Variants in EPC2 observed in about 807,000 individuals in gnomAD.
EPC2 encodes the protein enhancer of polycomb 2.
EPC2 carries 14 observed loss-of-function variants against 92.1 expected under a neutral mutation model. That is an observed-to-expected ratio of 0.15 (90% confidence interval 0.10 to 0.24). EPC2 has a LOEUF of 0.24. EPC2 is among the 10% of genes least tolerant of loss of function. The probability of loss-of-function intolerance (pLI) is 1.00; values close to 1 mark genes in which losing one functional copy is unlikely to be tolerated. For synonymous variants in EPC2, 340 were observed against 334.7 expected, an observed-to-expected ratio of 1.02 and a Z score of -0.17; for missense variants, 755 against 971.5, an observed-to-expected ratio of 0.78 and a Z score of 2.96.
At chr2:148,656,779 G>T (rs1434166528) in intron 1 of EPC2, among the ~76,000 whole-genome samples, 1 of 152,210 alleles carries the variant, frequency 6.6e-6, no homozygotes, top group South Asian at 2.1e-4. Flanking sequence ...GCAGCTTATT[G>T]CTTAGTAGGA....
At chr2:148,755,388 C>A (rs1211300938) in intron 4 of EPC2, among the ~76,000 whole-genome samples, 1 of 151,648 alleles carries the variant, frequency 6.6e-6, no homozygotes, top group Non-Finnish European at 1.5e-5. Context: ...TAAAAAAAAA[C>A]CCTGAACTAT....
At chr2:148,663,193 TGTATTATTATTA>T (rs1295014167) in intron 1 of EPC2, among the ~76,000 whole-genome samples, 5 of 98,644 alleles carry the variant, frequency 5.1e-5, no homozygotes, top group East Asian at 5.1e-4. Context: ...ACTGTGTTTT[TGTATTATTATTA>T]TTATTATTAT....
At chr2:148,700,789 A>G (rs1436062592) in intron 2 of EPC2, among the ~76,000 whole-genome samples, 3 of 148,956 alleles carry the variant, frequency 2.0e-5, no homozygotes, top group Admixed American at 6.8e-5. Flanking sequence ...TTGTCTTTCT[A>G]TATGAACTAG....
At chr2:148,784,178 C>T (rs948070838) in intron 12 of EPC2, among the ~76,000 whole-genome samples, 3 of 152,226 alleles carry the variant, frequency 2.0e-5, no homozygotes, top group Non-Finnish European at 4.4e-5. Context: ...CTCTGGCTCC[C>T]GCTCTTTAGA....
intron 1 of EPC2, among the ~76,000 whole-genome samples, chr2:148,658,481 C>T (rs1680852946): frequency 6.6e-6 from 1 of 152,000 alleles, no homozygotes; most frequent in South Asian, 2.1e-4. Flanking sequence ...GTGGGCAACT[C>T]AAATATTTCA....
intron 1 of EPC2, among the ~76,000 whole-genome samples, chr2:148,654,984 A>C (rs1298001413): frequency 6.6e-6 from 1 of 152,144 alleles, no homozygotes; most frequent in Admixed American, 6.5e-5. Context: ...AGAGAAGTGA[A>C]TAGAGACATT....
At chr2:148,764,004 A>G (rs1331726849) in intron 6 of EPC2, among the ~76,000 whole-genome samples, 2 of 152,186 alleles carry the variant, frequency 1.3e-5, no homozygotes, top group East Asian at 1.9e-4. Flanking sequence ...TCCATTACAC[A>G]TGGTTAATTA....
At chr2:148,730,508 G>A (rs960444687) in intron 2 of EPC2, among the ~76,000 whole-genome samples, 1 of 152,174 alleles carries the variant, frequency 6.6e-6, no homozygotes, top group Non-Finnish European at 1.5e-5. Context: ...TTGGGAACAC[G>A]TTAGAAATGC....
At chr2:148,729,622 A>G (rs577827054) in intron 2 of EPC2, among the ~76,000 whole-genome samples, 1 of 152,230 alleles carries the variant, frequency 6.6e-6, no homozygotes, top group East Asian at 1.9e-4. Context: ...CCAGTTTTCC[A>G]TTTGGTTATT....
chr2:148,769,854 T>C (rs764655370), intron 8 of EPC2, among the ~76,000 whole-genome samples: 1 of 152,164 alleles, frequency 6.6e-6, no homozygotes, highest in Non-Finnish European at 1.5e-5. Flanking sequence ...TTTATCTTGC[T>C]ATATAATGGT....
At chr2:148,667,433 A>G (rs1394126866) in intron 1 of EPC2, among the ~76,000 whole-genome samples, 2 of 152,230 alleles carry the variant, frequency 1.3e-5, no homozygotes, top group Non-Finnish European at 2.9e-5. Context: ...GTTTGTAACT[A>G]GTATATAGAA....
At chr2:148,739,819 CT>C (rs1220784728) in intron 2 of EPC2, among the ~76,000 whole-genome samples, 2 of 98,908 alleles carry the variant, frequency 2.0e-5, no homozygotes, top group South Asian at 8.9e-4. Context: ...TCTTCCTTTT[CT>C]TTTCTTCTTC....
At chr2:148,694,390 T>A (rs187710693) in intron 2 of EPC2, among the ~76,000 whole-genome samples, 110 of 152,280 alleles carry the variant, frequency 7.2e-4, no homozygotes, top group African/African-American at 2.5e-3. Context: ...TATGCAGAAT[T>A]TATTGAATCA....
At chr2:148,747,691 G>A (rs973457461) in intron 3 of EPC2, among the ~76,000 whole-genome samples, 3 of 152,062 alleles carry the variant, frequency 2.0e-5, no homozygotes, top group Non-Finnish European at 2.9e-5. Flanking sequence ...CCTACTTAAT[G>A]TCCCTGCAGT....
chr2:148,694,080 A>C (rs1436015367), intron 2 of EPC2, among the ~76,000 whole-genome samples: 1 of 152,242 alleles, frequency 6.6e-6, no homozygotes, highest in Non-Finnish European at 1.5e-5. Flanking sequence ...TGAAAGAATT[A>C]ATGAAATTAA....
At chr2:148,645,344 C>A (rs901382315) in intron 1 of EPC2, 174 bp downstream of exon 1, 2 of 569,930 alleles carry the variant, frequency 3.5e-6, no homozygotes, top group Non-Finnish European at 6.2e-6. Context: ...GCGTAGCGCC[C>A]GCCCGCGGCC....
At chr2:148,738,665 A>T (rs1269427107) in intron 2 of EPC2, among the ~76,000 whole-genome samples, 1 of 152,190 alleles carries the variant, frequency 6.6e-6, no homozygotes, top group South Asian at 2.1e-4. Flanking sequence ...TGAGTATAGA[A>T]AATAGAATGT....
Position 148,764,992 on chromosome 2 carries a change from A to T in EPC2, c.986A>T (p.Asp329Val). 6.2e-7 allele frequency: 1 copy of T among 1,601,286 alleles called. No homozygotes were observed. ...TTGTCTTTGAAAGAAGAGGCTTCTG[A>T]TGTGGTTCGTCAAAAGAAGAAGTAC... ...HHLSLKEEAS[D>V]VVRQKKKYPK... Residue 329 changes from aspartate to valine, a missense_variant, in exon 7 of 14, where the codon GAT becomes GTT. Physicochemically the swap from Asp to Val is radical, Grantham distance 152. Transcript: ENST00000258484.
intron 1 of EPC2, among the ~76,000 whole-genome samples, chr2:148,668,175 G>A (rs1330976925): frequency 6.6e-6 from 1 of 152,102 alleles, no homozygotes; most frequent in East Asian, 1.9e-4. Flanking sequence ...GGGATTAAAG[G>A]TGTGAGCCAC....
Sources: gnomAD v4.1 joint callset for allele counts (sites outside exome capture counted in the v4.1 genomes callset) on GRCh38, gnomAD v4.1.1 for gene constraint, MANE v1.5 for transcripts, NCBI Gene and HGNC (gene_info 2026-07-23, HGNC 2026-07-21) for gene names.